Variants in DLG2 observed in about 807,000 individuals in gnomAD.
DLG2 encodes disks large homolog 2.
A neutral mutation model predicts 132.5 loss-of-function variants in DLG2; 45 were observed. The observed-to-expected ratio is 0.34, with a 90% CI of 0.27 to 0.44. The LOEUF (loss-of-function observed/expected upper bound fraction) is 0.44, where lower values mean the gene tolerates loss of function less well. Ranked by LOEUF, DLG2 falls within the 20% of genes least tolerant of loss-of-function variation. DLG2 has a pLI of 1.00. For synonymous variants in DLG2, 424 were observed against 419.6 expected, an observed-to-expected ratio of 1.01 and a Z score of -0.13; for missense variants, 1,045 against 1,196.9, an observed-to-expected ratio of 0.87 and a Z score of 1.87.
chr11:84,802,230 T>TC (rs2075480100), intron 6 of DLG2, among the ~76,000 whole-genome samples: 1 of 151,720 alleles, frequency 6.6e-6, no homozygotes, highest in African/African-American at 2.4e-5. Context: ...GTCCATAGGG[T>TC]CCTCAAAGAA....
At chr11:84,417,615 C>A (rs897170823) in intron 7 of DLG2, among the ~76,000 whole-genome samples, 1 of 152,144 alleles carries the variant, frequency 6.6e-6, no homozygotes, top group Non-Finnish European at 1.5e-5. Flanking sequence ...CAAACACATA[C>A]CCAACCCTGA....
At chr11:84,185,674 T>C (rs1008214013) in intron 8 of DLG2, among the ~76,000 whole-genome samples, 2 of 152,148 alleles carry the variant, frequency 1.3e-5, no homozygotes, top group Admixed American at 6.5e-5. Flanking sequence ...ATGCTTCCAG[T>C]TTTTGCCCAT....
intron 6 of DLG2, among the ~76,000 whole-genome samples, chr11:84,588,856 T>A (rs898238131): frequency 2.0e-5 from 3 of 152,184 alleles, no homozygotes; most frequent in Non-Finnish European, 4.4e-5. Context: ...AGCCATTCTT[T>A]TATTCCTCTA....
chr11:84,609,447 G>A (rs777288229), intron 6 of DLG2, among the ~76,000 whole-genome samples: 4 of 152,134 alleles, frequency 2.6e-5, no homozygotes, highest in South Asian at 4.2e-4. Flanking sequence ...CGTAATTCTC[G>A]CAGTTTTTGG....
intron 3 of DLG2, among the ~76,000 whole-genome samples, chr11:85,325,087 G>A (rs1203901266): frequency 1.5e-4 from 20 of 136,760 alleles, no homozygotes; most frequent in African/African-American, 5.7e-4. Flanking sequence ...GGCGCACCAC[G>A]AGACTATATC....
At chr11:83,786,930 T>C in intron 17 of DLG2, 138 bp from the exon 18 acceptor site, 1 of 637,942 alleles carries the variant, frequency 1.6e-6, no homozygotes, top group Non-Finnish European at 2.7e-6. Flanking sequence ...CTCAGGTGTT[T>C]GTGGACTTTC....
chr11:84,624,328 T>C (rs1007328664), intron 6 of DLG2, among the ~76,000 whole-genome samples: 3 of 152,212 alleles, frequency 2.0e-5, no homozygotes, highest in African/African-American at 7.2e-5. Flanking sequence ...ACGCCACCAC[T>C]ATATTTACAA....
At chr11:85,004,130 T>C (rs572392635) in intron 6 of DLG2, among the ~76,000 whole-genome samples, 1 of 152,318 alleles carries the variant, frequency 6.6e-6, no homozygotes, top group East Asian at 1.9e-4. Flanking sequence ...TTGATGGGCA[T>C]TTGGGTTGGT....
chr11:85,291,948 C>T (rs1207396235), intron 3 of DLG2, among the ~76,000 whole-genome samples: 2 of 152,124 alleles, frequency 1.3e-5, no homozygotes, highest in African/African-American at 2.4e-5. Context: ...ATATGCCTTA[C>T]GCTTCCTCCA....
chr11:84,111,140 A>G (rs2093328742), intron 9 of DLG2, among the ~76,000 whole-genome samples: 1 of 152,180 alleles, frequency 6.6e-6, no homozygotes, highest in Non-Finnish European at 1.5e-5. Context: ...AAAATATCGA[A>G]ACTTAGTTAT....
chr11:83,895,714 C>T (rs2071449263), intron 15 of DLG2, among the ~76,000 whole-genome samples: 1 of 152,202 alleles, frequency 6.6e-6, no homozygotes, highest in Non-Finnish European at 1.5e-5. Context: ...ATCTCATGCA[C>T]ACTCAGATTC....
chr11:85,070,443 G>A (rs1027939536), intron 6 of DLG2, among the ~76,000 whole-genome samples: 1 of 151,714 alleles, frequency 6.6e-6, no homozygotes, highest in African/African-American at 2.4e-5. Context: ...GAAACCGTGT[G>A]GAGAAAGAAA....
intron 19 of DLG2, among the ~76,000 whole-genome samples, chr11:83,624,169 T>C (rs1453676109): frequency 1.3e-5 from 2 of 152,180 alleles, no homozygotes; most frequent in Non-Finnish European, 2.9e-5. Context: ...GAAGAGGTTT[T>C]CTGGATGAAT....
chr11:85,201,875 C>T (rs1251999204), intron 4 of DLG2, among the ~76,000 whole-genome samples: 2 of 148,934 alleles, frequency 1.3e-5, no homozygotes, highest in Non-Finnish European at 3.0e-5. Context: ...TGAAATTTGT[C>T]AGAGAAATGT....
At chr11:84,755,506 C>A (rs780144976) in intron 6 of DLG2, among the ~76,000 whole-genome samples, 7 of 152,196 alleles carry the variant, frequency 4.6e-5, no homozygotes, top group Non-Finnish European at 8.8e-5. Flanking sequence ...TCACTGCAAG[C>A]TCCGCTTCCC....
intron 11 of DLG2, among the ~76,000 whole-genome samples, chr11:84,031,039 G>T (rs990611143): frequency 6.6e-6 from 1 of 151,994 alleles, no homozygotes; most frequent in Non-Finnish European, 1.5e-5. Flanking sequence ...AGTTCTATCC[G>T]GAAAACCATA....
intron 4 of DLG2, among the ~76,000 whole-genome samples, chr11:85,244,864 T>C (rs1456405278): frequency 6.6e-6 from 1 of 151,930 alleles, no homozygotes; most frequent in Non-Finnish European, 1.5e-5. Flanking sequence ...TTGCAGGTGA[T>C]TCAGATATTG....
Position 85,157,417 on chromosome 11 carries a change from TA to T in DLG2, c.187-2767del, listed in dbSNP as rs2077667520. ...CTTCTAGTAGTATGGAGAACACTGA[TA>T]GTCCTTGGCATGAACTGTTTAGAGA... On this transcript the variant is annotated intron_variant, in intron 4 of 27. Coordinates refer to ENST00000376104, the MANE Select transcript of DLG2 (RefSeq NM_001142699.3). 1.3e-5 allele frequency among the ~76,000 whole-genome samples: 2 copies of T among 152,160 alleles called. 1 individual carries two copies. The highest frequency in any genetic ancestry group is 1.3e-4 in the Admixed American group (2 of 15,264).
At chr11:85,484,009 C>G (rs2093362532) in intron 3 of DLG2, among the ~76,000 whole-genome samples, 1 of 152,032 alleles carries the variant, frequency 6.6e-6, no homozygotes, top group African/African-American at 2.4e-5. Flanking sequence ...GAATGCAGCC[C>G]AAAGCGGGTG....
Sources: allele counts gnomAD v4.1 joint callset (sites outside exome capture counted in the v4.1 genomes callset), GRCh38; gene constraint gnomAD v4.1.1; transcripts MANE v1.5; gene names NCBI Gene and HGNC (gene_info 2026-07-23, HGNC 2026-07-21).